Variants in SLC8A3 observed in about 807,000 individuals in gnomAD.
SLC8A3 encodes sodium/calcium exchanger 3.
Under a neutral mutation model 65.4 loss-of-function variants are expected in SLC8A3, and 37 were observed. That is an observed-to-expected ratio of 0.57 (90% confidence interval 0.44 to 0.74). SLC8A3 has a LOEUF of 0.74. Ranked by LOEUF, SLC8A3 falls within the 30% of genes least tolerant of loss-of-function variation. SLC8A3 has a pLI of 0.00. For missense variants in SLC8A3, 1,112 were observed against 1,172.1 expected, an observed-to-expected ratio of 0.95 and a Z score of 0.75; for synonymous variants, 461 against 444.5, an observed-to-expected ratio of 1.04 and a Z score of -0.47.
At chr14:70,095,099 A>G (rs1892078311) in intron 2 of SLC8A3, among the ~76,000 whole-genome samples, 1 of 152,246 alleles carries the variant, frequency 6.6e-6, no homozygotes, top group African/African-American at 2.4e-5. Flanking sequence ...TGTGAGGTTT[A>G]CAAGGGCTTG....
intron 2 of SLC8A3, among the ~76,000 whole-genome samples, chr14:70,099,378 T>C (rs1892409545): frequency 6.6e-6 from 1 of 152,252 alleles, no homozygotes; most frequent in African/African-American, 2.4e-5. Flanking sequence ...TTTACAGAAG[T>C]AGTTTGCTAA....
chr14:70,086,207 G>T (rs1452957630), intron 2 of SLC8A3, among the ~76,000 whole-genome samples: 1 of 151,996 alleles, frequency 6.6e-6, no homozygotes, highest in Non-Finnish European at 1.5e-5. Context: ...ACAGGTACTA[G>T]CATTATCTTC....
intron 5 of SLC8A3, among the ~76,000 whole-genome samples, chr14:70,050,327 T>G (rs1013886522): frequency 6.6e-5 from 10 of 152,198 alleles, no homozygotes; most frequent in African/African-American, 9.7e-5. Flanking sequence ...CTTGGGGATA[T>G]GACCCTGTGG....
intron 1 of SLC8A3, among the ~76,000 whole-genome samples, chr14:70,178,895 A>C (rs77720250): frequency 9.7e-4 from 148 of 152,306 alleles, no homozygotes; most frequent in African/African-American, 3.5e-3. Flanking sequence ...AGTCTCTTTA[A>C]AATGTAAATC....
intron 2 of SLC8A3, among the ~76,000 whole-genome samples, chr14:70,126,950 G>C (rs950743209): frequency 2.6e-5 from 4 of 152,044 alleles, no homozygotes; most frequent in African/African-American, 9.7e-5. Context: ...CAAGCATTTT[G>C]GGTAAGGAAT....
chr14:70,084,104 A>T (rs1208292053), intron 2 of SLC8A3, among the ~76,000 whole-genome samples: 1 of 152,194 alleles, frequency 6.6e-6, no homozygotes, highest in Non-Finnish European at 1.5e-5. Flanking sequence ...CCTCCTGCAA[A>T]TTACTTAGCA....
chr14:70,050,902 A>G, intron 5 of SLC8A3, 106 bp downstream of exon 5: 1 of 691,490 alleles, frequency 1.4e-6, no homozygotes, highest in Non-Finnish European at 2.6e-6. Context: ...GGAAGACTGA[A>G]CACACAAGCC....
At chr14:70,103,222 A>T (rs974907603) in intron 2 of SLC8A3, among the ~76,000 whole-genome samples, 2 of 152,056 alleles carry the variant, frequency 1.3e-5, no homozygotes, top group African/African-American at 4.8e-5. Flanking sequence ...ACGAAGGCAA[A>T]ATAAAGATAT....
In SLC8A3 at chr14:70,162,314, T is replaced by C. The variant is rs565133255; in HGVS notation, c.1784+4325A>G. ...TTCAAACCCTCACTTTCTAACGTCC[T>C]TTCCAACTCTAACTTTCTATCATAG... On this transcript the variant is annotated intron_variant, in intron 2 of 6. Transcript: ENST00000356921. Among the ~76,000 whole-genome samples the C allele has an allele frequency of 1.1e-4, 17 of 152,358 alleles. 1 individual carries two copies. The East Asian group carries it at 2.1e-3, about 19-fold the overall frequency.
At chr14:70,148,256 T>C (rs554183523) in intron 2 of SLC8A3, among the ~76,000 whole-genome samples, 2 of 152,330 alleles carry the variant, frequency 1.3e-5, no homozygotes, top group East Asian at 3.9e-4. Context: ...ATGAAATAAA[T>C]ACATTTTTGA....
intron 2 of SLC8A3, among the ~76,000 whole-genome samples, chr14:70,161,685 C>T (rs538386126): frequency 8.5e-5 from 13 of 152,180 alleles, no homozygotes; most frequent in Non-Finnish European, 1.5e-4. Flanking sequence ...AAAGGGTATT[C>T]TAGAGGCAAA....
chr14:70,143,237 T>G (rs574494818), intron 2 of SLC8A3, among the ~76,000 whole-genome samples: 1 of 152,326 alleles, frequency 6.6e-6, no homozygotes, highest in Admixed American at 6.5e-5. Flanking sequence ...AAGTGCTTAT[T>G]ATGAGCTGAG....
intron 1 of SLC8A3, among the ~76,000 whole-genome samples, chr14:70,183,051 C>G (rs1882892517): frequency 6.6e-6 from 1 of 152,170 alleles, no homozygotes; most frequent in Non-Finnish European, 1.5e-5. Context: ...TTCTTTTGGA[C>G]TTCGAGGTCC....
intron 2 of SLC8A3, among the ~76,000 whole-genome samples, chr14:70,125,477 C>G (rs905440636): frequency 6.6e-6 from 1 of 152,132 alleles, no homozygotes; most frequent in African/African-American, 2.4e-5. Context: ...GCTTCCAGTT[C>G]CTTCCATATT....
At position 70,111,421 on chromosome 14, in the gene SLC8A3, A is replaced by T. The variant is rs769796227; in HGVS notation, c.1785-50482T>A. 3.0e-4 allele frequency among the ~76,000 whole-genome samples: 45 copies of T among 152,210 alleles called. 1 individual carries two copies. Among genetic ancestry groups the T allele is most frequent in the Non-Finnish European group, 1.2e-4 (8 of 68,044 alleles). ...AAATGGCGATAATGATTCTTAAGTGATAAATATCTTCAGGATCAAGGGCCA... is the reference window on the plus strand; with the variant it reads ...AAATGGCGATAATGATTCTTAAGTGTTAAATATCTTCAGGATCAAGGGCCA... On this transcript the variant is annotated intron_variant, in intron 2 of 6. Coordinates refer to ENST00000356921, the MANE Select transcript of SLC8A3 (RefSeq NM_182932.3).
intron 2 of SLC8A3, among the ~76,000 whole-genome samples, chr14:70,126,562 TCTCTCTCTCACA>T (rs1178636167): frequency 9.7e-6 from 1 of 103,550 alleles, no homozygotes; most frequent in Admixed American, 1.1e-4. Flanking sequence ...TCTCTCTCTC[TCTCTCTCTCACA>T]CACACACACA....
intron 2 of SLC8A3, among the ~76,000 whole-genome samples, chr14:70,120,131 C>T (rs1595018362): frequency 6.6e-6 from 1 of 152,326 alleles, no homozygotes; most frequent in East Asian, 1.9e-4. Flanking sequence ...TGCCTGCATC[C>T]CCATCCCCAA....
At chr14:70,078,921 G>A (rs577217016) in intron 2 of SLC8A3, among the ~76,000 whole-genome samples, 12 of 152,116 alleles carry the variant, frequency 7.9e-5, no homozygotes, top group Non-Finnish European at 1.5e-4. Flanking sequence ...TTGAAAGTGG[G>A]CATCACCTTT....
intron 2 of SLC8A3, among the ~76,000 whole-genome samples, chr14:70,089,629 A>C (rs1302704163): frequency 3.3e-5 from 5 of 152,186 alleles, no homozygotes; most frequent in Non-Finnish European, 7.3e-5. Context: ...AGAGCCAGGA[A>C]ACACAGATTT....
Sources: gnomAD v4.1 joint callset for allele counts (sites outside exome capture counted in the v4.1 genomes callset) on GRCh38, gnomAD v4.1.1 for gene constraint, MANE v1.5 for transcripts, NCBI Gene and HGNC (gene_info 2026-07-23, HGNC 2026-07-21) for gene names.